The following TTC23L variants were observed in gnomAD, a reference collection of about 807,000 sequenced individuals.
TTC23L encodes tetratricopeptide repeat domain 23 like.
A neutral mutation model predicts 48.1 loss-of-function variants in TTC23L; 42 were observed. The ratio of observed to expected loss-of-function variants is 0.87; its 90% CI spans 0.68 to 1.13. The LOEUF (loss-of-function observed/expected upper bound fraction) is 1.13, where lower values mean the gene tolerates loss of function less well. Among genes scored for constraint, TTC23L ranks in the 50% most tolerant of loss-of-function variants. TTC23L has a pLI of 0.00. For synonymous variants in TTC23L, 159 were observed against 157.2 expected, an observed-to-expected ratio of 1.01 and a Z score of -0.09; for missense variants, 391 against 421.0, an observed-to-expected ratio of 0.93 and a Z score of 0.62.
chr5:34,845,052 C>A lies in TTC23L; in HGVS notation c.69-435C>A, dbSNP rs72732813. On this transcript the variant is annotated intron_variant, in intron 2 of 10. Transcript: ENST00000505624. ...TATTCCTGGGGATCCTCCAGTTCAACACCCTCATTTGTAGAAGAAGAAGCC... is the reference window on the plus strand; with the variant it reads ...TATTCCTGGGGATCCTCCAGTTCAAAACCCTCATTTGTAGAAGAAGAAGCC... Among the ~76,000 whole-genome samples, 1,172 of 152,302 alleles carry A rather than the reference C, an allele frequency of 7.7e-3. 8 individuals are homozygous for A. The highest frequency in any genetic ancestry group is 0.011 in the Non-Finnish European group (747 of 68,030).
intron 9 of TTC23L, among the ~76,000 whole-genome samples, chr5:34,892,573 T>C (rs770765912): frequency 1.5e-4 from 23 of 152,190 alleles, no homozygotes; most frequent in Non-Finnish European, 2.2e-4. Flanking sequence ...AGTTAGTCTG[T>C]AGTAAGTCTT....
At chr5:34,894,402 G>C (rs540618552) in intron 9 of TTC23L, among the ~76,000 whole-genome samples, 2 of 152,156 alleles carry the variant, frequency 1.3e-5, no homozygotes, top group Admixed American at 1.3e-4. Context: ...TATACTGTTA[G>C]GGCTAAAAAT....
chr5:34,918,505 T>A, the TTC23L span: 2 of 1,267,526 alleles, frequency 1.6e-6, no homozygotes, highest in Non-Finnish European at 2.2e-6. Flanking sequence ...TTTAGAAATT[T>A]CTATCTATAA....
chr5:34,922,484 T>C, the TTC23L span: 1 of 1,095,786 alleles, frequency 9.1e-7, no homozygotes, highest in Non-Finnish European at 1.4e-6. Flanking sequence ...GAATAGGTGG[T>C]AAGCATTGAC....
chr5:34,860,392 G>T (rs547761241), intron 4 of TTC23L, among the ~76,000 whole-genome samples: 1 of 152,176 alleles, frequency 6.6e-6, no homozygotes, highest in Non-Finnish European at 1.5e-5. Flanking sequence ...TACTAACTAT[G>T]TATTTCTCCA....
chr5:34,855,744 G>A (rs988456637), intron 4 of TTC23L, among the ~76,000 whole-genome samples: 1 of 152,198 alleles, frequency 6.6e-6, no homozygotes, highest in Non-Finnish European at 1.5e-5. Context: ...TTAGGGAAAA[G>A]AGAATGCACA....
At chr5:34,866,619 ATTC>A (rs989541605) in intron 6 of TTC23L, among the ~76,000 whole-genome samples, 4 of 150,468 alleles carry the variant, frequency 2.7e-5, no homozygotes, top group African/African-American at 9.7e-5. Flanking sequence ...CATCTTGTGA[ATTC>A]CTGGAAGCCA....
At chr5:34,899,617 G>A (rs972301671), downstream of TTC23L, among the ~76,000 whole-genome samples, 4 of 152,170 alleles carry the variant, frequency 2.6e-5, no homozygotes, top group East Asian at 1.9e-4. Context: ...CTGGCTGGGC[G>A]CGGTGGCTCA....
At chr5:34,850,329 G>T in intron 4 of TTC23L, 21 bp downstream of exon 4, 1 of 1,612,944 alleles carries the variant, frequency 6.2e-7, no homozygotes. Flanking sequence ...TTCCCAGCTG[G>T]GTTTGGGTGG....
intron 2 of TTC23L, among the ~76,000 whole-genome samples, chr5:34,845,234 C>T (rs763286171): frequency 6.6e-5 from 10 of 152,210 alleles, no homozygotes; most frequent in Admixed American, 1.3e-4. Flanking sequence ...AAATTAATAA[C>T]TTGGTTAGGG....
exon 9 of TTC23L, chr5:34,880,296 T>G: frequency 6.2e-7 from 1 of 1,610,144 alleles, no homozygotes; most frequent in Non-Finnish European, 8.5e-7. Flanking sequence ...TTGTCCAAAA[T>G]GGAGAAAAAC....
chr5:34,866,997 C>T (rs925707807), exon 7 of TTC23L: 12 of 1,611,790 alleles, frequency 7.4e-6, no homozygotes, highest in Middle Eastern at 1.6e-4. Context: ...ATCTGATCAG[C>T]CTGTACGAGG....
intron 8 of TTC23L, among the ~76,000 whole-genome samples, chr5:34,871,387 C>T (rs1357302948): frequency 6.6e-6 from 1 of 152,074 alleles, no homozygotes; most frequent in South Asian, 2.1e-4. Context: ...CTGAAAACTA[C>T]AAAACTGATG....
intron 8 of TTC23L, 124 bp from the exon 9 acceptor site, chr5:34,880,057 T>C: frequency 2.5e-6 from 3 of 1,218,342 alleles, no homozygotes; most frequent in Admixed American, 5.1e-5. Flanking sequence ...AAAGAGTCCT[T>C]ATGAGACCTG....
At chr5:34,898,986 C>T (rs570467462) in intron 10 of TTC23L, among the ~76,000 whole-genome samples, 53 of 152,288 alleles carry the variant, frequency 3.5e-4, no homozygotes, top group African/African-American at 1.3e-3. Context: ...AGATCTTTCA[C>T]AGGGCCTCGG....
chr5:34,905,398 A>G, the TTC23L span: 10 of 152,316 alleles, frequency 6.6e-5, no homozygotes, highest in African/African-American at 1.9e-4. Flanking sequence ...CTGCCCTTTT[A>G]GCAATTTTAA....
intron 8 of TTC23L, among the ~76,000 whole-genome samples, chr5:34,877,248 G>T (rs148596829): frequency 4.7e-4 from 71 of 152,084 alleles, no homozygotes; most frequent in African/African-American, 1.6e-3. Context: ...GAGCATTTGG[G>T]AGAATCCAAC....
chr5:34,872,084 C>T (rs1761504021), intron 8 of TTC23L, among the ~76,000 whole-genome samples: 1 of 150,754 alleles, frequency 6.6e-6, no homozygotes, highest in Non-Finnish European at 1.5e-5. Context: ...TTTATACTGG[C>T]TTGGGCAACA....
chr5:34,914,927 T>C, the TTC23L span: 3 of 1,608,726 alleles, frequency 1.9e-6, no homozygotes, highest in East Asian at 2.2e-5. Flanking sequence ...GGGATGCTCC[T>C]GGGGCCAACA....
Sources: allele counts gnomAD v4.1 joint callset (sites outside exome capture counted in the v4.1 genomes callset), GRCh38; gene constraint gnomAD v4.1.1; transcripts MANE v1.5; gene names NCBI Gene and HGNC (gene_info 2026-07-23, HGNC 2026-07-21).